Variants in ST3GAL3 observed in about 807,000 individuals in gnomAD.
ST3GAL3 encodes the protein CMP-N-acetylneuraminate-beta-1,4-galactoside alpha-2,3-sialyltransferase.
In ST3GAL3, 21 loss-of-function variants were observed where a neutral mutation model predicts 50.1. That is an observed-to-expected ratio of 0.42 (90% CI 0.30 to 0.60). The LOEUF (loss-of-function observed/expected upper bound fraction) is 0.60, where lower values mean the gene tolerates loss of function less well. ST3GAL3 is among the 20% of genes least tolerant of loss of function. The pLI is 0.19. For synonymous variants in ST3GAL3, 183 were observed against 190.0 expected (o/e 0.96, Z 0.30); for missense variants, 353 against 489.4 (o/e 0.72, Z 2.63).
chr1:43,870,682 C>A (rs2072478385), intron 5 of ST3GAL3, among the ~76,000 whole-genome samples: 1 of 152,070 alleles, frequency 6.6e-6, no homozygotes, highest in South Asian at 2.1e-4. Flanking sequence ...GAATCTCAGG[C>A]CAGGACCTGT....
At position 43,854,631 on chromosome 1, in the gene ST3GAL3, C is replaced by T. The variant is rs186766192; in HGVS notation, c.302+16320C>T. 5.3e-5 allele frequency among the ~76,000 whole-genome samples: 8 copies of T among 152,320 alleles called. No homozygotes were observed. In the South Asian group the frequency reaches 1.7e-3, roughly 32 times the overall value. On this transcript the variant is annotated intron_variant, in intron 5 of 11. Transcript: ENST00000347631. ...CTCTCAATCTTTTTGCAGCCCACATCTCTACTGATCTCTAGACCCAAATAC... is the reference window on the plus strand; with the variant it reads ...CTCTCAATCTTTTTGCAGCCCACATTTCTACTGATCTCTAGACCCAAATAC...
At position 43,899,498 on chromosome 1, in the gene ST3GAL3, C is replaced by T; in HGVS notation, c.558-43C>T. 1 of 1,608,050 alleles carries T rather than the reference C, an allele frequency of 6.2e-7. No individual in the cohort carries two copies. Among genetic ancestry groups the T allele is most frequent in the Non-Finnish European group, 8.5e-7 (1 of 1,179,762 alleles). On this transcript the variant is annotated intron_variant, in intron 8 of 11. Transcript: ENST00000347631. This position sits in a 1 kb window ranked among gnomAD's most constrained non-coding sequence, Gnocchi z 5.4. The stretch of plus-strand genomic sequence containing the variant: ...GGATAGTCTGGGGTCATGGTGCCTT[C>T]CCAAACACAGGCCCAGGCTCTGAGT...
chr1:43,913,027 T>C (rs985222433), intron 9 of ST3GAL3: 1 of 152,274 alleles, frequency 6.6e-6, no homozygotes, highest in African/African-American at 2.4e-5. Context: ...ATGTGGACAC[T>C]TGCAGGCAGA....
At chr1:43,880,787 G>A (rs939786673) in intron 5 of ST3GAL3, among the ~76,000 whole-genome samples, 9 of 152,264 alleles carry the variant, frequency 5.9e-5, no homozygotes, top group South Asian at 4.1e-4. Context: ...GAAGCAATGC[G>A]GTTAATACGA....
intron 9 of ST3GAL3, among the ~76,000 whole-genome samples, chr1:43,903,454 C>T (rs2078634761): frequency 6.6e-6 from 1 of 152,210 alleles, no homozygotes; most frequent in Non-Finnish European, 1.5e-5. Context: ...TCTTCCTCCT[C>T]CTCCTCCCCA....
At position 43,895,868 on chromosome 1, in the gene ST3GAL3, G is replaced by A. The variant is rs569647911; in HGVS notation, c.397+1391G>A. On this transcript the variant is annotated intron_variant, in intron 6 of 11. Coordinates refer to ENST00000347631, the MANE Select transcript of ST3GAL3 (RefSeq NM_006279.5). ...ACAAAGGCCAGGGAAGTTCGATATG[G>A]AGCCCATCAGCCAGCAAGCAGAGAG... Among the ~76,000 whole-genome samples, 93 of 152,284 alleles carry A rather than the reference G, an allele frequency of 6.1e-4. 1 individual carries two copies. The highest frequency in any genetic ancestry group is 1.1e-3 in the Non-Finnish European group (78 of 68,026).
At chr1:43,917,035 T>A (rs979456730) in intron 9 of ST3GAL3, 2 of 152,164 alleles carry the variant, frequency 1.3e-5, no homozygotes, top group Non-Finnish European at 2.9e-5. Flanking sequence ...GGTCTTCATT[T>A]TGATTATTTT....
At chr1:43,790,964 G>A (rs2058005933) in intron 2 of ST3GAL3, among the ~76,000 whole-genome samples, 1 of 152,106 alleles carries the variant, frequency 6.6e-6, no homozygotes, top group African/African-American at 2.4e-5. Flanking sequence ...GCCCACAAGA[G>A]AAAGTTCTCT....
Position 43,899,138 on chromosome 1 carries a change from G to A in ST3GAL3, c.462-30G>A, listed in dbSNP as rs1245370852. ...AAAGAGACCTGGTGGGCAGCTCTCT[G>A]TACAGAGGTCTCCGCCTCTCTCCCC... On this transcript the variant is annotated intron_variant, in intron 7 of 11. Coordinates refer to ENST00000347631, the MANE Select transcript of ST3GAL3 (RefSeq NM_006279.5). This position sits in a 1 kb window ranked among gnomAD's most constrained non-coding sequence, Gnocchi z 5.4. The A allele has an allele frequency of 5.6e-6, 9 of 1,613,882 alleles. No individual in the cohort carries two copies. Among genetic ancestry groups the A allele is most frequent in the Non-Finnish European group, 5.9e-6 (7 of 1,179,986 alleles).
chr1:43,836,405 G>T (rs955119307), intron 4 of ST3GAL3, among the ~76,000 whole-genome samples: 3 of 152,196 alleles, frequency 2.0e-5, no homozygotes, highest in Non-Finnish European at 4.4e-5. Flanking sequence ...ATTTCTAAAA[G>T]AAATTGTGCA....
chr1:43,929,307 A>ATTTT (rs1239788201), intron 11 of ST3GAL3, among the ~76,000 whole-genome samples: 8 of 41,548 alleles, frequency 1.9e-4, no homozygotes, highest in African/African-American at 3.6e-4. Flanking sequence ...AGTTTTAATT[A>ATTTT]TTATTTTTTT....
intron 2 of ST3GAL3, among the ~76,000 whole-genome samples, chr1:43,744,481 T>C (rs1682577853): frequency 6.6e-6 from 1 of 151,794 alleles, no homozygotes; most frequent in Admixed American, 6.6e-5. Context: ...CCTCAGGTGA[T>C]CTGCCCGCCT....
At chr1:43,824,508 G>C (rs865998614) in intron 4 of ST3GAL3, among the ~76,000 whole-genome samples, 1 of 152,194 alleles carries the variant, frequency 6.6e-6, no homozygotes, top group Non-Finnish European at 1.5e-5. Flanking sequence ...GAAATCCAGA[G>C]GAGTAGTCTG....
intron 5 of ST3GAL3, chr1:43,850,277 A>C: frequency 2.0e-6 from 1 of 493,214 alleles, no homozygotes; most frequent in South Asian, 1.6e-5. Flanking sequence ...CACCAGGTGC[A>C]TCCAGGGTGG....
chr1:43,719,281 G>A (rs1208366306), intron 1 of ST3GAL3, among the ~76,000 whole-genome samples: 1 of 152,182 alleles, frequency 6.6e-6, no homozygotes, highest in Non-Finnish European at 1.5e-5. Context: ...AACATCATCA[G>A]CCTTCAGGGG....
chr1:43,920,200 G>T, intron 9 of ST3GAL3: 1 of 632,824 alleles, frequency 1.6e-6, no homozygotes, highest in Admixed American at 2.4e-5. Flanking sequence ...CCCACCACAC[G>T]CTCTCTTCAC....
chr1:43,772,047 T>A (rs1306435426), intron 2 of ST3GAL3: 3 of 380,058 alleles, frequency 7.9e-6, no homozygotes, highest in East Asian at 3.6e-5. Context: ...TTTTTTTTTT[T>A]AGATGGAGTT....
At chr1:43,792,951 T>C (rs2058263861) in intron 3 of ST3GAL3, among the ~76,000 whole-genome samples, 1 of 152,174 alleles carries the variant, frequency 6.6e-6, no homozygotes, top group African/African-American at 2.4e-5. Context: ...CCTCATACCA[T>C]GGGTACTGCC....
At chr1:43,894,602 ATCT>A (rs2077112825) in intron 6 of ST3GAL3, 125 bp downstream of exon 6, 5 of 862,296 alleles carry the variant, frequency 5.8e-6, no homozygotes, top group Non-Finnish European at 9.8e-6. Flanking sequence ...CTCTCAACAA[ATCT>A]TCTCTACCTT....
Sources: allele counts gnomAD v4.1 joint callset (sites outside exome capture counted in the v4.1 genomes callset), GRCh38; gene constraint gnomAD v4.1.1; non-coding constraint Gnocchi (gnomAD v3.1); transcripts MANE v1.5; gene names NCBI Gene and HGNC (gene_info 2026-07-23, HGNC 2026-07-21).